Variants in YWHAE observed in about 807,000 individuals in gnomAD.
YWHAE encodes tyrosine 3-monooxygenase/tryptophan 5-monooxygenase activation protein epsilon, also known as 14-3-3 protein epsilon.
YWHAE carries 4 observed loss-of-function variants against 30.1 expected under a neutral mutation model. The observed-to-expected ratio is 0.13, with a 90% CI of 0.07 to 0.30. The LOEUF (loss-of-function observed/expected upper bound fraction) is 0.30. Among genes scored for constraint, YWHAE ranks in the 10% least tolerant of loss-of-function variants. The pLI, the probability that YWHAE is intolerant of heterozygous loss-of-function variation, is 1.00. For synonymous variants in YWHAE, 118 were observed against 111.8 expected (o/e 1.06, Z -0.35); for missense variants, 121 against 315.9 (o/e 0.38, Z 4.68).
intron 5 of YWHAE, among the ~76,000 whole-genome samples, chr17:1,345,956 A>G (rs1341841868): frequency 6.6e-6 from 1 of 152,174 alleles, no homozygotes; most frequent in African/African-American, 2.4e-5. Context: ...TGAGCAATAA[A>G]CTGTTGCCAA....
intron 1 of YWHAE, among the ~76,000 whole-genome samples, chr17:1,393,723 G>A (rs1263107255): frequency 4.6e-5 from 7 of 152,206 alleles, no homozygotes; most frequent in Admixed American, 4.6e-4. Context: ...TTGAGCCGCG[G>A]AACCCGGCTG....
At chr17:1,348,131 G>A (rs949625184) in intron 5 of YWHAE, 6 of 278,170 alleles carry the variant, frequency 2.2e-5, no homozygotes, top group Admixed American at 6.4e-5. Context: ...GTCTTACTTC[G>A]TGTAAACTTC....
intron 1 of YWHAE, among the ~76,000 whole-genome samples, chr17:1,375,146 T>G (rs112763305): frequency 8.5e-5 from 13 of 152,196 alleles, no homozygotes; most frequent in African/African-American, 3.1e-4. Context: ...CTACGACCAG[T>G]GCTTTGTACC....
intron 1 of YWHAE, among the ~76,000 whole-genome samples, chr17:1,393,840 G>A (rs539931037): frequency 5.3e-5 from 8 of 152,086 alleles, no homozygotes; most frequent in South Asian, 2.1e-4. Context: ...CATTCTGAGA[G>A]TACCTAAACT....
chr17:1,369,221 G>A (rs997917687), intron 1 of YWHAE, among the ~76,000 whole-genome samples: 4 of 151,932 alleles, frequency 2.6e-5, no homozygotes, highest in South Asian at 4.1e-4. Flanking sequence ...TGTACTATTC[G>A]GCCGGGAGCA....
At chr17:1,347,980 A>C in intron 5 of YWHAE, 1 of 1,012,140 alleles carries the variant, frequency 9.9e-7, no homozygotes, top group Non-Finnish European at 1.2e-6. Flanking sequence ...GTTTTTAGGA[A>C]AGGAAGAGTT....
In YWHAE at chr17:1,361,449, AG is replaced by A. The variant is rs1486321647; in HGVS notation, c.372-152del. ...TACTTCAATAATTTTAAACACTCTC[AG>A]GAATAACTGGCTTCGTTTCATTTTT... On this transcript the variant is annotated intron_variant, in intron 3 of 5. Coordinates refer to ENST00000264335, the MANE Select transcript of YWHAE (RefSeq NM_006761.5). The A allele has an allele frequency of 6.7e-6, 4 of 597,930 alleles. No individual in the cohort carries two copies. In the East Asian group the frequency reaches 1.3e-4, roughly 19 times the overall value. 37.0% of individuals were successfully genotyped at this position (597,930 alleles called of 1,614,324 possible).
chr17:1,395,554 T>C (rs1349170981), intron 1 of YWHAE, among the ~76,000 whole-genome samples: 1 of 152,172 alleles, frequency 6.6e-6, no homozygotes, highest in Non-Finnish European at 1.5e-5. Context: ...CGTTACTCAG[T>C]TCTGTCTATG....
intron 1 of YWHAE, among the ~76,000 whole-genome samples, chr17:1,387,091 T>G (rs1309786372): frequency 1.3e-5 from 2 of 152,254 alleles, no homozygotes; most frequent in African/African-American, 4.8e-5. Context: ...TTCTACAATT[T>G]TGACTGCAAA....
intron 4 of YWHAE, among the ~76,000 whole-genome samples, chr17:1,360,532 C>T (rs2072848179): frequency 6.6e-6 from 1 of 152,004 alleles, no homozygotes; most frequent in South Asian, 2.1e-4. Context: ...GAGGCGAAGG[C>T]GGGCGGATCA....
intron 5 of YWHAE, among the ~76,000 whole-genome samples, chr17:1,347,200 A>G (rs1015438283): frequency 2.0e-5 from 3 of 149,752 alleles, no homozygotes; most frequent in African/African-American, 7.4e-5. Flanking sequence ...TTAGCCAGGC[A>G]TGGTGGCAGG....
At chr17:1,377,088 A>AT (rs2073137280) in intron 1 of YWHAE, among the ~76,000 whole-genome samples, 2 of 151,904 alleles carry the variant, frequency 1.3e-5, no homozygotes, top group Admixed American at 6.6e-5. Flanking sequence ...TAATTTTTAT[A>AT]TTTTTAGTAA....
chr17:1,398,339 C>CG (rs1005996621), intron 1 of YWHAE, among the ~76,000 whole-genome samples: 7 of 92,598 alleles, frequency 7.6e-5, no homozygotes, highest in Non-Finnish European at 1.4e-4. Flanking sequence ...TCTTATCCCC[C>CG]CCCCCAACAG....
At position 1,357,423 on chromosome 17, in the gene YWHAE, A is replaced by G. The variant is rs2081063772; in HGVS notation, c.579-3076T>C. On this transcript the variant is annotated intron_variant, in intron 4 of 5. Coordinates refer to ENST00000264335, the MANE Select transcript of YWHAE (RefSeq NM_006761.5). ...GTCTCAAAAAAAAAAAAAAAAAAAT[A>G]CAAAAAATTAACCGGGCGTGGTGGC... Among the ~76,000 whole-genome samples, 3 of 141,466 alleles carry G rather than the reference A, an allele frequency of 2.1e-5. No homozygotes were observed. In the South Asian group the frequency reaches 7.0e-4, roughly 33 times the overall value. The allele number at this position is 141,466 out of a possible 152,430, so 92.8% of individuals were successfully genotyped here.
At chr17:1,399,919 G>A (rs1328062456) in intron 1 of YWHAE, 128 bp downstream of exon 1, 2 of 1,158,542 alleles carry the variant, frequency 1.7e-6, no homozygotes, top group African/African-American at 1.5e-5. Context: ...GCCATTTCCT[G>A]CTTCCCGAAC....
chr17:1,399,955 A>G (rs1245352452), intron 1 of YWHAE, 92 bp downstream of exon 1: 1 of 1,516,886 alleles, frequency 6.6e-7, no homozygotes, highest in Non-Finnish European at 9.2e-7. Flanking sequence ...AGGCTCGCAG[A>G]CGATGCCGCC....
At chr17:1,354,790 A>C (rs965466234) in intron 4 of YWHAE, among the ~76,000 whole-genome samples, 12 of 150,692 alleles carry the variant, frequency 8.0e-5, no homozygotes, top group African/African-American at 1.9e-4. Context: ...AGCCTCCCGA[A>C]TGGCTGGGAC....
chr17:1,358,495 T>C (rs1441308626), intron 4 of YWHAE, among the ~76,000 whole-genome samples: 1 of 149,896 alleles, frequency 6.7e-6, no homozygotes, highest in Non-Finnish European at 1.5e-5. Flanking sequence ...CTCCTCGGCC[T>C]CCCAAAGTGC....
chr17:1,398,559 G>A (rs1234948518), intron 1 of YWHAE, among the ~76,000 whole-genome samples: 4 of 151,954 alleles, frequency 2.6e-5, no homozygotes, highest in African/African-American at 4.8e-5. Flanking sequence ...TGAAATATAG[G>A]TATTTTAATT....
Sources: gnomAD v4.1 joint callset for allele counts (sites outside exome capture counted in the v4.1 genomes callset) on GRCh38, gnomAD v4.1.1 for gene constraint, MANE v1.5 for transcripts, NCBI Gene and HGNC (gene_info 2026-07-23, HGNC 2026-07-21) for gene names.